The following PPARGC1A variants were observed in gnomAD, a reference collection of about 807,000 sequenced individuals.
PPARGC1A encodes the protein peroxisome proliferator-activated receptor gamma coactivator 1-alpha.
Under a neutral mutation model 88.7 loss-of-function variants are expected in PPARGC1A, and 25 were observed. That is an observed-to-expected ratio of 0.28 (90% CI 0.21 to 0.39). The LOEUF (loss-of-function observed/expected upper bound fraction) is 0.39, where lower values mean the gene tolerates loss of function less well. Among genes scored for constraint, PPARGC1A ranks in the 10% least tolerant of loss-of-function variants. PPARGC1A has a pLI of 1.00. For synonymous variants in PPARGC1A, 363 were observed against 355.6 expected, an observed-to-expected ratio of 1.02 and a Z score of -0.24; for missense variants, 880 against 968.7, an observed-to-expected ratio of 0.91 and a Z score of 1.22.
chr4:24,165,537 GT>G, the PPARGC1A span, among the ~76,000 whole-genome samples: 1 of 152,100 alleles, frequency 6.6e-6, no homozygotes, highest in Non-Finnish European at 1.5e-5. Flanking sequence ...TTGAAAGTTT[GT>G]GGCAACACTG....
chr4:24,114,360 T>C, the PPARGC1A span, among the ~76,000 whole-genome samples: 10 of 152,160 alleles, frequency 6.6e-5, no homozygotes, highest in Admixed American at 1.3e-4. Flanking sequence ...AGGATGGTAA[T>C]GGAGCAGAGA....
At chr4:24,292,550 GTCC>G in the PPARGC1A span, among the ~76,000 whole-genome samples, 150 of 44,758 alleles carry the variant, frequency 3.4e-3, no homozygotes, top group African/African-American at 0.011. Flanking sequence ...ACCCCTTCCT[GTCC>G]TCCTCACTAC....
the PPARGC1A span, among the ~76,000 whole-genome samples, chr4:24,387,069 G>A: frequency 1.2e-4 from 19 of 152,158 alleles, no homozygotes; most frequent in African/African-American, 4.3e-4. Context: ...CAGAACAGAG[G>A]CCTCAGAAAC....
chr4:24,077,645 G>A, the PPARGC1A span, among the ~76,000 whole-genome samples: 2 of 144,926 alleles, frequency 1.4e-5, no homozygotes, highest in African/African-American at 5.6e-5. Flanking sequence ...GTGTGTGTGT[G>A]TGTGTGTGTG....
rs1362893523 is a variant in PPARGC1A, at chr4:23,824,840, T to C, written c.758-332A>G. On this transcript the variant is annotated intron_variant, in intron 5 of 12. Coordinates refer to ENST00000264867, the MANE Select transcript of PPARGC1A (RefSeq NM_013261.5). ...AATTTGGAATACAGTACACGGTTTGTTTAGACAAGAAAACAGCAGAGCAAC... is the reference window on the plus strand; with the variant it reads ...AATTTGGAATACAGTACACGGTTTGCTTAGACAAGAAAACAGCAGAGCAAC... 2.0e-5 allele frequency among the ~76,000 whole-genome samples: 3 copies of C among 152,116 alleles called. No individual in the cohort carries two copies. The East Asian group carries it at 5.8e-4, about 29-fold the overall frequency.
At chr4:24,200,110 T>C in the PPARGC1A span, among the ~76,000 whole-genome samples, 4 of 151,966 alleles carry the variant, frequency 2.6e-5, no homozygotes, top group African/African-American at 7.2e-5. Flanking sequence ...ATTAAAAATA[T>C]AGATAAATAA....
chr4:23,938,040 G>T, the PPARGC1A span, among the ~76,000 whole-genome samples: 1 of 152,016 alleles, frequency 6.6e-6, no homozygotes, highest in Non-Finnish European at 1.5e-5. Context: ...TGCTGTTGTG[G>T]CAGATGAGAG....
Position 23,813,902 on chromosome 4 carries a change from G to C in PPARGC1A, c.1581C>G (p.Gly527=). The C allele has an allele frequency of 6.2e-7, 1 of 1,613,828 alleles. No individual in the cohort carries two copies. Among genetic ancestry groups the C allele is most frequent in the Non-Finnish European group, 8.5e-7 (1 of 1,179,758 alleles). ...CATTGAACAATGAATAGGATTGCGT[G>C]CCATCCCAAGGGTAGCTCAGTTTAT... ...ESDKLSYPWD[G]TQSYSLFNVS... Residue 527 remains glycine (G), a synonymous_variant, in exon 8 of 13, where the codon GGC becomes GGG. Coordinates refer to ENST00000264867, the MANE Select transcript of PPARGC1A (RefSeq NM_013261.5).
chr4:24,111,848 A>G, the PPARGC1A span, among the ~76,000 whole-genome samples: 1 of 152,234 alleles, frequency 6.6e-6, no homozygotes, highest in Non-Finnish European at 1.5e-5. Context: ...GCACACATAT[A>G]GCCACACATA....
At chr4:24,446,510 G>T in the PPARGC1A span, among the ~76,000 whole-genome samples, 120 of 152,018 alleles carry the variant, frequency 7.9e-4, no homozygotes, top group African/African-American at 2.6e-3. Context: ...CTATTTTAGC[G>T]AAGTAACAGT....
the PPARGC1A span, among the ~76,000 whole-genome samples, chr4:24,136,594 C>T: frequency 4.6e-5 from 7 of 152,260 alleles, no homozygotes; most frequent in South Asian, 8.3e-4. Context: ...AAACAGAGCA[C>T]GAAATGTGGA....
chr4:23,929,996 A>C, the PPARGC1A span, among the ~76,000 whole-genome samples: 1 of 152,054 alleles, frequency 6.6e-6, no homozygotes, highest in East Asian at 1.9e-4. Context: ...CTGATATTCA[A>C]CCTCTCCTAT....
chr4:24,125,732 G>C, the PPARGC1A span, among the ~76,000 whole-genome samples: 1 of 152,158 alleles, frequency 6.6e-6, no homozygotes, highest in South Asian at 2.1e-4. Context: ...GAGAGAGAAA[G>C]AGAGAGACCT....
chr4:24,143,367 A>G, the PPARGC1A span, among the ~76,000 whole-genome samples: 3 of 152,162 alleles, frequency 2.0e-5, no homozygotes, highest in Non-Finnish European at 2.9e-5. Flanking sequence ...ACGCTGTAAC[A>G]TGTGCTGTGA....
the PPARGC1A span, among the ~76,000 whole-genome samples, chr4:24,307,485 T>C: frequency 6.6e-6 from 1 of 152,220 alleles, no homozygotes; most frequent in Non-Finnish European, 1.5e-5. Flanking sequence ...CCTGGCATTG[T>C]GTTGAGCACT....
chr4:23,909,449 T>C, the PPARGC1A span, among the ~76,000 whole-genome samples: 1 of 152,044 alleles, frequency 6.6e-6, no homozygotes, highest in African/African-American at 2.4e-5. Flanking sequence ...AGGAATGGTT[T>C]GGCAAGACCT....
At chr4:23,829,402 AC>A in intron 4 of PPARGC1A, 60 bp downstream of exon 4, 1 of 1,563,298 alleles carries the variant, frequency 6.4e-7, no homozygotes, top group Non-Finnish European at 8.8e-7. Flanking sequence ...TATTTGTTTT[AC>A]TGCTTCAAGC....
intron 1 of PPARGC1A, among the ~76,000 whole-genome samples, chr4:23,898,117 T>C (rs1718829924): frequency 6.6e-6 from 1 of 152,214 alleles, no homozygotes; most frequent in Non-Finnish European, 1.5e-5. Flanking sequence ...AAGACCCTCC[T>C]TAAATAAAAA....
At chr4:24,424,772 A>G in the PPARGC1A span, among the ~76,000 whole-genome samples, 1 of 152,338 alleles carries the variant, frequency 6.6e-6, no homozygotes, top group Non-Finnish European at 1.5e-5. Flanking sequence ...TTTCAAAATT[A>G]CATTGAAAAA....
Sources: gnomAD v4.1 joint callset for allele counts (sites outside exome capture counted in the v4.1 genomes callset) on GRCh38, gnomAD v4.1.1 for gene constraint, MANE v1.5 for transcripts, NCBI Gene and HGNC (gene_info 2026-07-23, HGNC 2026-07-21) for gene names.